Variants in CRTAC1 observed in about 807,000 individuals in gnomAD.
CRTAC1 encodes the protein cartilage acidic protein 1, also known as acidic secreted protein in cartilage.
A neutral mutation model predicts 67.8 loss-of-function variants in CRTAC1; 37 were observed. The observed-to-expected ratio is 0.55, with a 90% CI of 0.42 to 0.72. CRTAC1 has a LOEUF of 0.72. CRTAC1 is among the 30% of genes least tolerant of loss of function. The pLI is 0.00. For missense variants in CRTAC1, 780 were observed against 931.6 expected (o/e 0.84, Z 2.12); for synonymous variants, 348 against 371.0 (o/e 0.94, Z 0.71).
chr10:97,974,549 A>G (rs906236764), intron 2 of CRTAC1, among the ~76,000 whole-genome samples: 6 of 152,232 alleles, frequency 3.9e-5, no homozygotes, highest in Admixed American at 3.3e-4. Flanking sequence ...TAAAGAAAAA[A>G]TATTAATCTA....
chr10:97,865,805 T>C, intron 14 of CRTAC1, 91 bp from the exon 15 acceptor site: 6 of 477,470 alleles, frequency 1.3e-5, no homozygotes, highest in East Asian at 5.9e-5. Flanking sequence ...TTCTTTGGGC[T>C]CACCCTGCTG....
intron 11 of CRTAC1, among the ~76,000 whole-genome samples, chr10:97,890,234 A>G (rs575842429): frequency 8.2e-4 from 125 of 152,172 alleles, no homozygotes; most frequent in Middle Eastern, 6.8e-3. Flanking sequence ...TTCCTGCCTC[A>G]TCCTCCTGAG....
chr10:97,970,123 T>C (rs560264378), intron 2 of CRTAC1, among the ~76,000 whole-genome samples: 12 of 152,240 alleles, frequency 7.9e-5, no homozygotes, highest in African/African-American at 2.6e-4. Context: ...CGAGTCTAAC[T>C]GGATTCCTCT....
At chr10:97,963,954 T>A (rs1488867361) in intron 2 of CRTAC1, among the ~76,000 whole-genome samples, 2 of 152,212 alleles carry the variant, frequency 1.3e-5, no homozygotes, top group African/African-American at 2.4e-5. Context: ...CCAGGACTCA[T>A]ACCTTAAATG....
chr10:97,922,094 C>T (rs1308225219), intron 4 of CRTAC1, among the ~76,000 whole-genome samples: 7 of 151,956 alleles, frequency 4.6e-5, no homozygotes, highest in Admixed American at 1.3e-4. Flanking sequence ...GATGGGAAAC[C>T]GGGAGGAGGC....
intron 2 of CRTAC1, among the ~76,000 whole-genome samples, chr10:97,993,248 T>G (rs1340707172): frequency 6.6e-6 from 1 of 152,194 alleles, no homozygotes; most frequent in Non-Finnish European, 1.5e-5. Flanking sequence ...GAAATTAGCA[T>G]AAGGACCTTG....
intron 3 of CRTAC1, among the ~76,000 whole-genome samples, chr10:97,935,794 T>C (rs980334188): frequency 2.0e-5 from 3 of 152,118 alleles, no homozygotes; most frequent in Non-Finnish European, 2.9e-5. Context: ...CATCTTCCGA[T>C]CACGGCATAA....
intron 2 of CRTAC1, among the ~76,000 whole-genome samples, chr10:97,978,025 G>A (rs904509870): frequency 1.3e-5 from 2 of 152,160 alleles, no homozygotes; most frequent in Non-Finnish European, 2.9e-5. Context: ...GCTGGGTGGA[G>A]TGCCAGAAGG....
intron 1 of CRTAC1, among the ~76,000 whole-genome samples, chr10:98,025,900 C>T (rs1177551816): frequency 6.6e-6 from 1 of 152,226 alleles, no homozygotes; most frequent in Non-Finnish European, 1.5e-5. Flanking sequence ...TTTCCCCAAG[C>T]ATGGCAGAAC....
intron 4 of CRTAC1, among the ~76,000 whole-genome samples, chr10:97,919,834 G>C (rs1198086253): frequency 1.4e-5 from 2 of 144,816 alleles, no homozygotes; most frequent in East Asian, 4.2e-4. Context: ...GCTTCGACTG[G>C]GTTCAAGTGA....
chr10:97,956,420 T>C (rs1010530774), intron 2 of CRTAC1, among the ~76,000 whole-genome samples: 3 of 152,226 alleles, frequency 2.0e-5, no homozygotes, highest in African/African-American at 7.2e-5. Context: ...CTGGTGGCTG[T>C]GCTGTCAATC....
At chr10:98,006,165 C>G (rs1209453845) in intron 2 of CRTAC1, among the ~76,000 whole-genome samples, 2 of 152,190 alleles carry the variant, frequency 1.3e-5, no homozygotes. Context: ...AGGAATTGTA[C>G]AAGATTGACA....
intron 3 of CRTAC1, among the ~76,000 whole-genome samples, chr10:97,924,941 C>T (rs2050891595): frequency 6.6e-6 from 1 of 152,044 alleles, no homozygotes; most frequent in Admixed American, 6.6e-5. Context: ...TGAGAGTATG[C>T]AGGAGTAAGA....
intron 2 of CRTAC1, among the ~76,000 whole-genome samples, chr10:97,953,872 T>C (rs2051399160): frequency 6.6e-6 from 1 of 152,230 alleles, no homozygotes. Flanking sequence ...TGGCAAAGCT[T>C]GCTCTAAATT....
intron 11 of CRTAC1, among the ~76,000 whole-genome samples, chr10:97,891,139 A>G (rs1371311532): frequency 6.6e-6 from 1 of 152,230 alleles, no homozygotes; most frequent in East Asian, 1.9e-4. Flanking sequence ...GTAGTCACTA[A>G]ATGAATCAAA....
intron 2 of CRTAC1, among the ~76,000 whole-genome samples, chr10:98,005,166 A>G (rs1303101131): frequency 7.9e-6 from 1 of 127,052 alleles, no homozygotes; most frequent in Admixed American, 9.5e-5. Context: ...GTGCAATGGC[A>G]TGATCTCGGC....
Position 97,882,846 on chromosome 10 carries a change from G to A in CRTAC1, c.1633-18C>T. 1 of 1,614,026 alleles carries A rather than the reference G, an allele frequency of 6.2e-7. No homozygotes were observed. The highest frequency in any genetic ancestry group is 8.5e-7 in the Non-Finnish European group (1 of 1,179,880). On this transcript the variant is annotated intron_variant, in intron 12 of 14. Transcript: ENST00000370597. ...TGGCCACACTGTAAGGTGGGCAGAAGCAGAGACATGAGTGAGTTGAGAAGG... is the reference window on the plus strand; with the variant it reads ...TGGCCACACTGTAAGGTGGGCAGAAACAGAGACATGAGTGAGTTGAGAAGG...
intron 1 of CRTAC1, among the ~76,000 whole-genome samples, chr10:98,022,482 G>A (rs539180326): frequency 6.6e-6 from 1 of 152,152 alleles, no homozygotes; most frequent in Non-Finnish European, 1.5e-5. Context: ...AGGCAGAAAA[G>A]GCTCTCTGAA....
intron 5 of CRTAC1, among the ~76,000 whole-genome samples, chr10:97,915,705 G>T (rs968645702): frequency 1.3e-5 from 2 of 151,856 alleles, no homozygotes; most frequent in Middle Eastern, 3.2e-3. Flanking sequence ...GGGCTACAGG[G>T]TAGTGTTGGG....
Sources: gnomAD v4.1 joint callset for allele counts (sites outside exome capture counted in the v4.1 genomes callset) on GRCh38, gnomAD v4.1.1 for gene constraint, MANE v1.5 for transcripts, NCBI Gene and HGNC (gene_info 2026-07-23, HGNC 2026-07-21) for gene names.